The following KCNMA1 variants were observed in gnomAD, a reference collection of about 807,000 sequenced individuals.
KCNMA1 encodes Calcium-activated potassium channel subunit alpha-1.
Under a neutral mutation model 140.0 loss-of-function variants are expected in KCNMA1, and 29 were observed. The ratio of observed to expected loss-of-function variants is 0.21; its 90% confidence interval spans 0.15 to 0.28. KCNMA1 has a LOEUF of 0.28. Ranked by LOEUF, KCNMA1 falls within the 10% of genes least tolerant of loss-of-function variation. KCNMA1 has a pLI of 1.00. For missense variants in KCNMA1, 880 were observed against 1,602.2 expected, an observed-to-expected ratio of 0.55 and a Z score of 7.70; for synonymous variants, 612 against 611.9, an observed-to-expected ratio of 1.00 and a Z score of 0.00.
chr10:77,238,580 T>C (rs2056348606), intron 3 of KCNMA1, among the ~76,000 whole-genome samples: 1 of 152,220 alleles, frequency 6.6e-6, no homozygotes, highest in South Asian at 2.1e-4. Context: ...GTTGAGATTT[T>C]GAATGCATTG....
chr10:77,262,878 C>T (rs1475949252), intron 2 of KCNMA1, among the ~76,000 whole-genome samples: 1 of 152,050 alleles, frequency 6.6e-6, no homozygotes, highest in Non-Finnish European at 1.5e-5. Context: ...TTCAGGTATT[C>T]CTTTATGGCA....
intron 1 of KCNMA1, among the ~76,000 whole-genome samples, chr10:77,428,405 G>A (rs2097074149): frequency 6.6e-6 from 1 of 152,318 alleles, no homozygotes; most frequent in East Asian, 1.9e-4. Context: ...GACTGAGGGG[G>A]TGAAGAGCAA....
intron 2 of KCNMA1, among the ~76,000 whole-genome samples, chr10:77,348,121 C>A (rs1024839400): frequency 1.3e-5 from 2 of 152,180 alleles, no homozygotes; most frequent in African/African-American, 4.8e-5. Context: ...CCGGGATAAA[C>A]AGAGGCAAGC....
At chr10:77,145,105 A>T (rs991696605) in intron 5 of KCNMA1, among the ~76,000 whole-genome samples, 1 of 151,948 alleles carries the variant, frequency 6.6e-6, no homozygotes, top group South Asian at 2.1e-4. Context: ...GTAAATAAAA[A>T]CCCCACCTAT....
chr10:77,330,593 T>G (rs946835030), intron 2 of KCNMA1, among the ~76,000 whole-genome samples: 7 of 152,140 alleles, frequency 4.6e-5, no homozygotes, highest in Non-Finnish European at 7.4e-5. Flanking sequence ...TCAATCTTCT[T>G]AACATCCCTC....
chr10:77,534,776 C>T (rs1404489326), intron 1 of KCNMA1, among the ~76,000 whole-genome samples: 1 of 152,168 alleles, frequency 6.6e-6, no homozygotes, highest in African/African-American at 2.4e-5. Flanking sequence ...GTTCCCAAAA[C>T]AAAGAAGTGA....
chr10:77,585,010 G>C (rs1296675922), intron 1 of KCNMA1, among the ~76,000 whole-genome samples: 3 of 152,190 alleles, frequency 2.0e-5, no homozygotes, highest in Non-Finnish European at 4.4e-5. Context: ...TCTGACCCCA[G>C]AACAACCTCC....
At chr10:77,567,972 T>C (rs1276896585) in intron 1 of KCNMA1, among the ~76,000 whole-genome samples, 1 of 152,138 alleles carries the variant, frequency 6.6e-6, no homozygotes, top group Non-Finnish European at 1.5e-5. Context: ...GCAAATAAAC[T>C]AGAAAATCTA....
chr10:77,142,363 T>TC (rs1308913304), intron 5 of KCNMA1, among the ~76,000 whole-genome samples: 1 of 117,622 alleles, frequency 8.5e-6, no homozygotes, highest in African/African-American at 3.1e-5. Context: ...AGAGGGAGAC[T>TC]CCATTTAAAA....
intron 2 of KCNMA1, among the ~76,000 whole-genome samples, chr10:77,267,847 A>G (rs1288564004): frequency 6.6e-6 from 1 of 152,194 alleles, no homozygotes; most frequent in African/African-American, 2.4e-5. Flanking sequence ...CCCTGGGGAC[A>G]TTTAAGTTGA....
intron 2 of KCNMA1, among the ~76,000 whole-genome samples, chr10:77,333,331 T>C (rs913906370): frequency 2.7e-5 from 3 of 110,388 alleles, no homozygotes; most frequent in Non-Finnish European, 5.2e-5. Flanking sequence ...CTGTGCAACA[T>C]AGAGAGACCC....
intron 12 of KCNMA1, among the ~76,000 whole-genome samples, chr10:77,081,963 C>T (rs986265914): frequency 5.8e-5 from 8 of 137,990 alleles, no homozygotes; most frequent in Admixed American, 1.5e-4. Flanking sequence ...TACTTAATTA[C>T]ATTTCTGATA....
chr10:77,168,513 C>A (rs986274635), intron 5 of KCNMA1, among the ~76,000 whole-genome samples: 1 of 152,134 alleles, frequency 6.6e-6, no homozygotes, highest in Non-Finnish European at 1.5e-5. Flanking sequence ...CTGAATACTG[C>A]AAGCAACTGT....
rs541120487 is a variant in KCNMA1 at position 77,086,931 on chromosome 10, C to T, written c.1335-338G>A. 9.2e-5 allele frequency among the ~76,000 whole-genome samples: 14 copies of T among 152,278 alleles called. 1 individual carries two copies. In the South Asian group the frequency reaches 1.7e-3, roughly 18 times the overall value. On this transcript the variant is annotated intron_variant, in intron 10 of 27. Coordinates refer to ENST00000286628, the MANE Select transcript of KCNMA1 (RefSeq NM_001161352.2). Reference sequence around the variant, plus strand: ...CACTAGTGGGATGGTTCATTTTATGCGGACTGTGCCAGAGGGTGCCCAGAT... The same window carrying T: ...CACTAGTGGGATGGTTCATTTTATGTGGACTGTGCCAGAGGGTGCCCAGAT...
chr10:77,222,653 T>C (rs1230556736), intron 3 of KCNMA1, among the ~76,000 whole-genome samples: 1 of 152,198 alleles, frequency 6.6e-6, no homozygotes, highest in Non-Finnish European at 1.5e-5. Flanking sequence ...CTGAAGTCGA[T>C]TAATCTGCTC....
At chr10:77,261,905 AGTGCAT>A (rs1023014448) in intron 2 of KCNMA1, among the ~76,000 whole-genome samples, 1 of 152,170 alleles carries the variant, frequency 6.6e-6, no homozygotes, top group Non-Finnish European at 1.5e-5. Flanking sequence ...GTCTGACTTA[AGTGCAT>A]GTGGGTTTGG....
intron 2 of KCNMA1, among the ~76,000 whole-genome samples, chr10:77,293,137 G>A (rs1346367998): frequency 1.3e-5 from 2 of 152,222 alleles, no homozygotes; most frequent in Non-Finnish European, 2.9e-5. Flanking sequence ...ATGCATCTGA[G>A]CAATGGGGGA....
At chr10:77,403,154 T>C (rs2096335327) in intron 2 of KCNMA1, among the ~76,000 whole-genome samples, 1 of 152,112 alleles carries the variant, frequency 6.6e-6, no homozygotes, top group South Asian at 2.1e-4. Flanking sequence ...CAAGGGCTCA[T>C]GAGGCCAGCC....
At chr10:77,302,403 G>A (rs1601814761) in intron 2 of KCNMA1, among the ~76,000 whole-genome samples, 2 of 152,078 alleles carry the variant, frequency 1.3e-5, no homozygotes, top group African/African-American at 4.8e-5. Context: ...GTCACTCTGT[G>A]GGCCACAGAC....
Sources: gnomAD v4.1 joint callset for allele counts (sites outside exome capture counted in the v4.1 genomes callset) on GRCh38, gnomAD v4.1.1 for gene constraint, MANE v1.5 for transcripts, NCBI Gene and HGNC (gene_info 2026-07-23, HGNC 2026-07-21) for gene names.